The following FER variants were observed in gnomAD, a reference collection of about 807,000 sequenced individuals.
FER encodes tyrosine-protein kinase Fer.
FER carries 63 observed loss-of-function variants against 111.0 expected under a neutral mutation model. That is an observed-to-expected ratio of 0.57 (90% CI 0.46 to 0.70). The LOEUF (loss-of-function observed/expected upper bound fraction) is 0.70. Among genes scored for constraint, FER ranks in the 30% least tolerant of loss-of-function variants. The pLI is 0.00. For synonymous variants in FER, 327 were observed against 313.9 expected (o/e 1.04, Z -0.44); for missense variants, 914 against 954.0 (o/e 0.96, Z 0.55).
chr5:108,879,864 C>T (rs1006098660), intron 8 of FER, among the ~76,000 whole-genome samples: 3 of 151,274 alleles, frequency 2.0e-5, no homozygotes, highest in Non-Finnish European at 4.4e-5. Flanking sequence ...TGCCTGCCAC[C>T]ACACCCAGCT....
intron 17 of FER, among the ~76,000 whole-genome samples, chr5:109,130,937 G>A (rs1012293101): frequency 1.3e-5 from 2 of 152,122 alleles, no homozygotes; most frequent in African/African-American, 2.4e-5. Context: ...GTTTCTAACT[G>A]TGATATCACT....
chr5:108,906,757 A>T, intron 10 of FER, among the ~76,000 whole-genome samples: 1 of 152,064 alleles, frequency 6.6e-6, no homozygotes, highest in Non-Finnish European at 1.5e-5. Flanking sequence ...TTCATTACTA[A>T]AATAATATAT....
At chr5:109,167,135 A>C (rs759015995) in intron 17 of FER, among the ~76,000 whole-genome samples, 1 of 152,198 alleles carries the variant, frequency 6.6e-6, no homozygotes, top group Admixed American at 6.5e-5. Context: ...TAGTTTATCT[A>C]TATCTGCAGT....
At chr5:108,894,523 T>C in intron 9 of FER, 1 of 398,870 alleles carries the variant, frequency 2.5e-6, no homozygotes, top group Non-Finnish European at 5.0e-6. Flanking sequence ...AGTTTGATGT[T>C]GAGATACCGA....
chr5:108,799,601 A>G (rs936796356), intron 3 of FER, among the ~76,000 whole-genome samples: 1 of 152,218 alleles, frequency 6.6e-6, no homozygotes, highest in Non-Finnish European at 1.5e-5. Context: ...TAGGACAAAC[A>G]TACATTAAAA....
intron 10 of FER, among the ~76,000 whole-genome samples, chr5:108,932,679 G>T (rs1754859698): frequency 6.6e-6 from 1 of 152,076 alleles, no homozygotes; most frequent in African/African-American, 2.4e-5. Flanking sequence ...ATCCTCTCCA[G>T]CATCTGTTGT....
chr5:109,178,293 T>C (rs1454549587), intron 17 of FER, among the ~76,000 whole-genome samples: 1 of 152,244 alleles, frequency 6.6e-6, no homozygotes, highest in Non-Finnish European at 1.5e-5. Context: ...GTAAATGTTA[T>C]TGAAATTTTA....
intron 13 of FER, among the ~76,000 whole-genome samples, chr5:108,996,595 C>T (rs1420378543): frequency 6.6e-6 from 1 of 152,048 alleles, no homozygotes; most frequent in Non-Finnish European, 1.5e-5. Flanking sequence ...ATTTCTGAGG[C>T]CTCTATTCTG....
chr5:109,126,526 A>C (rs1217873121), intron 17 of FER, among the ~76,000 whole-genome samples: 1 of 152,186 alleles, frequency 6.6e-6, no homozygotes, highest in Admixed American at 6.5e-5. Context: ...TTAAAAAAAT[A>C]ATTTTTAATT....
At chr5:109,067,401 A>G (rs7716388) in intron 16 of FER, among the ~76,000 whole-genome samples, 44,175 of 151,682 alleles carry the variant, frequency 0.29, 6,788 homozygotes, top group Non-Finnish European at 0.34. Context: ...TGGGATTTTT[A>G]TTGTTGTTAT....
chr5:109,101,663 CATT>C (rs1319538046), intron 17 of FER, among the ~76,000 whole-genome samples: 1 of 152,052 alleles, frequency 6.6e-6, no homozygotes. Flanking sequence ...AAAAATAAGA[CATT>C]ATCATTGCAT....
Position 109,158,801 on chromosome 5 carries a change from T to G in FER, c.2049-21946T>G, listed in dbSNP as rs143309700. On this transcript the variant is annotated intron_variant, in intron 17 of 19. Transcript: ENST00000281092. ...CCACCTCTGCTCAGGTTATACCTTC[T>G]ACTTAGAATGCTCTTCCTTTCTGTC... Among the ~76,000 whole-genome samples, 567 of 152,302 alleles carry G rather than the reference T, an allele frequency of 3.7e-3. 5 individuals are homozygous for G. Among genetic ancestry groups the G allele is most frequent in the African/African-American group, 0.013 (551 of 41,580 alleles).
chr5:109,066,697 C>T (rs1775130805), intron 16 of FER, among the ~76,000 whole-genome samples: 1 of 152,098 alleles, frequency 6.6e-6, no homozygotes, highest in Admixed American at 6.6e-5. Context: ...TTAAGACTTT[C>T]TATTCTTTAT....
chr5:108,910,918 C>G (rs1477897594), intron 10 of FER, among the ~76,000 whole-genome samples: 2 of 152,020 alleles, frequency 1.3e-5, no homozygotes, highest in African/African-American at 2.4e-5. Flanking sequence ...GATTCCATGA[C>G]TTTGCTATTG....
rs184983066 is a variant in FER at position 109,037,816 on chromosome 5, A to G, written c.1713+338A>G. Among the ~76,000 whole-genome samples, 259 of 152,158 alleles carry G rather than the reference A, an allele frequency of 1.7e-3. 2 individuals are homozygous for G. Among genetic ancestry groups the G allele is most frequent in the African/African-American group, 5.8e-3 (241 of 41,576 alleles). On this transcript the variant is annotated intron_variant, in intron 14 of 19. Transcript: ENST00000281092. ...AGAAACAGTGAGATAATAAAAGTTT[A>G]AATAAATACCTAATAGTCTTGTTCT... is the stretch of plus-strand genomic sequence containing the variant.
chr5:108,821,063 G>A (rs1262187637), intron 3 of FER, among the ~76,000 whole-genome samples: 1 of 152,210 alleles, frequency 6.6e-6, no homozygotes, highest in South Asian at 2.1e-4. Context: ...AGTGAGCCAG[G>A]ATTGCTCCAC....
chr5:109,065,225 A>T (rs780095653), intron 16 of FER, among the ~76,000 whole-genome samples: 4 of 152,178 alleles, frequency 2.6e-5, no homozygotes, highest in Non-Finnish European at 5.9e-5. Context: ...TTTGGAGCCC[A>T]TACTGTTTTT....
At chr5:109,043,869 G>A (rs1771554843) in intron 14 of FER, among the ~76,000 whole-genome samples, 1 of 152,036 alleles carries the variant, frequency 6.6e-6, no homozygotes, top group African/African-American at 2.4e-5. Context: ...TACTCGGGAG[G>A]CTGAGACAGG....
intron 13 of FER, among the ~76,000 whole-genome samples, chr5:108,980,161 C>T (rs1325631919): frequency 6.6e-6 from 1 of 151,978 alleles, no homozygotes; most frequent in African/African-American, 2.4e-5. Context: ...AAATTTTTTT[C>T]TTTCTGTGAG....
Sources: allele counts gnomAD v4.1 joint callset (sites outside exome capture counted in the v4.1 genomes callset), GRCh38; gene constraint gnomAD v4.1.1; transcripts MANE v1.5; gene names NCBI Gene and HGNC (gene_info 2026-07-23, HGNC 2026-07-21).